The following RHOH variants were observed in gnomAD, a reference collection of about 807,000 sequenced individuals.
RHOH encodes rho-related GTP-binding protein RhoH.
A neutral mutation model predicts 13.8 loss-of-function variants in RHOH; 6 were observed. That is an observed-to-expected ratio of 0.44 (90% confidence interval 0.24 to 0.86). The LOEUF is 0.86. RHOH is among the 40% of genes least tolerant of loss of function. The probability of loss-of-function intolerance (pLI) is 0.24; values close to 1 mark genes in which losing one functional copy is unlikely to be tolerated. For missense variants in RHOH, 147 were observed against 244.5 expected, an observed-to-expected ratio of 0.60 and a Z score of 2.66; for synonymous variants, 117 against 103.0, an observed-to-expected ratio of 1.14 and a Z score of -0.82.
In RHOH at chr4:40,245,831, A is replaced by C. The variant is rs1333580340; in HGVS notation, c.*1869A>C. On this transcript the variant is annotated 3_prime_UTR_variant, in exon 3 of 3. Transcript: ENST00000381799. ...AAAAACCAAATGTGTGCTCATTCAC[A>C]CATTGCTTTCTCCTTCTCTCTCTCC... 6.6e-6 allele frequency: 1 copy of C among 152,248 alleles called. No individual in the cohort carries two copies. The highest frequency in any genetic ancestry group is 2.4e-5 in the African/African-American group (1 of 41,454). The allele number at this position is 152,248 out of a possible 1,614,324, so 9.4% of individuals were successfully genotyped here.
chr4:40,213,760 A>T (rs913791981), intron 1 of RHOH, among the ~76,000 whole-genome samples: 12 of 151,372 alleles, frequency 7.9e-5, no homozygotes, highest in Non-Finnish European at 1.5e-4. Flanking sequence ...CTTTTTAAAA[A>T]TTTTTCTTTT....
At chr4:40,196,951 C>G (rs2109338279), upstream of RHOH, 2 of 150,680 alleles carry the variant, frequency 1.3e-5, no homozygotes, top group Non-Finnish European at 2.9e-5. Context: ...CCCCCCTAAA[C>G]CCACACAAAT....
chr4:40,238,341 G>T (rs1034614195), intron 1 of RHOH, among the ~76,000 whole-genome samples: 8 of 152,226 alleles, frequency 5.3e-5, no homozygotes, highest in Non-Finnish European at 1.0e-4. Flanking sequence ...AGCCTGTGGA[G>T]GGCGTCAGGT....
At position 40,246,677 on chromosome 4, in the gene RHOH, T is replaced by G. The variant is rs1729786575; in HGVS notation, c.*2715T>G. ...GAGGTAAAGTTGTGTTAAACTGAAATGGAGAGAAAGACAGTAATTGGGCTT... is the reference window on the plus strand; with the variant it reads ...GAGGTAAAGTTGTGTTAAACTGAAAGGGAGAGAAAGACAGTAATTGGGCTT... On this transcript the variant is annotated 3_prime_UTR_variant, in exon 3 of 3. Transcript: ENST00000381799. 4.6e-5 allele frequency: 7 copies of G among 152,168 alleles called. No homozygotes were observed. The allele number at this position is 152,168 out of a possible 1,614,324, so 9.4% of individuals were successfully genotyped here.
chr4:40,198,322 A>G (rs1041739244), intron 1 of RHOH, among the ~76,000 whole-genome samples: 1 of 152,226 alleles, frequency 6.6e-6, no homozygotes, highest in Non-Finnish European at 1.5e-5. Context: ...CCTGGAGATG[A>G]TAAGGCCAGT....
intron 1 of RHOH, among the ~76,000 whole-genome samples, chr4:40,211,639 A>G (rs1725286549): frequency 6.6e-6 from 1 of 152,214 alleles, no homozygotes; most frequent in African/African-American, 2.4e-5. Flanking sequence ...ATTTTTAGCG[A>G]GCTGTTTGAT....
intron 1 of RHOH, among the ~76,000 whole-genome samples, chr4:40,197,606 G>A (rs183426856): frequency 1.3e-5 from 2 of 152,306 alleles, no homozygotes; most frequent in East Asian, 1.9e-4. Flanking sequence ...TGTATGGGTA[G>A]TTTAAATACT....
intron 1 of RHOH, among the ~76,000 whole-genome samples, chr4:40,204,981 G>A (rs1724471037): frequency 6.6e-6 from 1 of 152,198 alleles, no homozygotes; most frequent in Non-Finnish European, 1.5e-5. Context: ...ATGCAGGCAG[G>A]GCCGGGCGAG....
intron 1 of RHOH, among the ~76,000 whole-genome samples, chr4:40,232,518 G>T (rs1728066917): frequency 6.6e-6 from 1 of 152,114 alleles, no homozygotes; most frequent in South Asian, 2.1e-4. Context: ...GCTTCCCAAA[G>T]TGCTGGGATT....
intron 1 of RHOH, among the ~76,000 whole-genome samples, chr4:40,209,930 C>T (rs1043384470): frequency 1.3e-5 from 2 of 152,172 alleles, no homozygotes; most frequent in African/African-American, 2.4e-5. Flanking sequence ...CACAGTAATA[C>T]CAAATATCTA....
chr4:40,193,479 C>CGAGGGAGAGAGA (rs1722818655), upstream of RHOH, among the ~76,000 whole-genome samples: 1 of 88,664 alleles, frequency 1.1e-5, no homozygotes, highest in African/African-American at 4.7e-5. Flanking sequence ...AGAATGAGAG[C>CGAGGGAGAGAGA]GAGAGAGAGA....
chr4:40,216,639 T>C (rs1725932412), intron 1 of RHOH, among the ~76,000 whole-genome samples: 1 of 152,184 alleles, frequency 6.6e-6, no homozygotes, highest in Admixed American at 6.5e-5. Context: ...GGAAACAAGA[T>C]CTTTTTAGGG....
upstream of RHOH, chr4:40,191,261 T>C (rs1290584252): frequency 6.6e-6 from 1 of 152,250 alleles, no homozygotes; most frequent in African/African-American, 2.4e-5. Flanking sequence ...ACTTTGTCAA[T>C]GATTGCAAAA....
intron 1 of RHOH, among the ~76,000 whole-genome samples, chr4:40,234,912 C>G (rs540736806): frequency 6.6e-6 from 1 of 152,146 alleles, no homozygotes; most frequent in South Asian, 2.1e-4. Flanking sequence ...ATCTTGCAAA[C>G]AAACTTTCAG....
chr4:40,219,284 T>A (rs2109442303), intron 1 of RHOH, among the ~76,000 whole-genome samples: 1 of 152,058 alleles, frequency 6.6e-6, no homozygotes, highest in Non-Finnish European at 1.5e-5. Flanking sequence ...TGGTGGCACA[T>A]GCCTGAAGTC....
chr4:40,215,852 G>A (rs1184032618), intron 1 of RHOH, among the ~76,000 whole-genome samples: 1 of 152,112 alleles, frequency 6.6e-6, no homozygotes, highest in Non-Finnish European at 1.5e-5. Context: ...CCTGGGAGGT[G>A]GAGAGGGTGG....
intron 1 of RHOH, among the ~76,000 whole-genome samples, chr4:40,204,353 C>A (rs1724386210): frequency 6.6e-6 from 1 of 152,196 alleles, no homozygotes. Context: ...GTCGGATGTG[C>A]AAGGGTCTAA....
chr4:40,202,120 T>A (rs917882258), intron 1 of RHOH, among the ~76,000 whole-genome samples: 4 of 151,572 alleles, frequency 2.6e-5, no homozygotes, highest in African/African-American at 9.7e-5. Context: ...TTGGCTAACT[T>A]TTTTTTTGTA....
At chr4:40,230,602 AC>A (rs1190964814) in intron 1 of RHOH, among the ~76,000 whole-genome samples, 1 of 150,092 alleles carries the variant, frequency 6.7e-6, no homozygotes, top group Admixed American at 6.6e-5. Context: ...AAAGTGATCC[AC>A]CCCCCTTAGC....
Sources: allele counts gnomAD v4.1 joint callset (sites outside exome capture counted in the v4.1 genomes callset), GRCh38; gene constraint gnomAD v4.1.1; transcripts MANE v1.5; gene names NCBI Gene and HGNC (gene_info 2026-07-23, HGNC 2026-07-21).